The following TBC1D5 variants were observed in gnomAD, a reference collection of about 807,000 sequenced individuals.
TBC1D5 encodes TBC1 domain family member 5.
Under a neutral mutation model 100.3 loss-of-function variants are expected in TBC1D5, and 75 were observed. The ratio of observed to expected loss-of-function variants is 0.75; its 90% CI spans 0.62 to 0.91. The LOEUF is 0.91. TBC1D5 is among the 40% of genes least tolerant of loss of function. The pLI is 0.00. For missense variants in TBC1D5, 910 were observed against 942.4 expected (o/e 0.97, Z 0.45); for synonymous variants, 323 against 325.6 (o/e 0.99, Z 0.09).
chr3:17,697,911 T>G (rs1025979435), intron 1 of TBC1D5, among the ~76,000 whole-genome samples: 1 of 147,728 alleles, frequency 6.8e-6, no homozygotes, highest in African/African-American at 2.5e-5. Flanking sequence ...AACAGAGATA[T>G]AAACCAATGG....
chr3:17,408,438 T>C (rs2152462144), intron 4 of TBC1D5, among the ~76,000 whole-genome samples: 1 of 152,102 alleles, frequency 6.6e-6, no homozygotes, highest in African/African-American at 2.4e-5. Flanking sequence ...GCCTCCACTG[T>C]AGCTGAGGCT....
At chr3:17,713,932 A>T (rs1168261166) in intron 1 of TBC1D5, among the ~76,000 whole-genome samples, 1 of 152,216 alleles carries the variant, frequency 6.6e-6, no homozygotes, top group African/African-American at 2.4e-5. Flanking sequence ...TTTTGTCAAA[A>T]TCATGGAACA....
At chr3:17,458,826 T>C (rs1433601721) in intron 3 of TBC1D5, among the ~76,000 whole-genome samples, 2 of 152,246 alleles carry the variant, frequency 1.3e-5, no homozygotes, top group East Asian at 1.9e-4. Context: ...TTTAACTCTA[T>C]GTATTGTGGT....
intron 1 of TBC1D5, among the ~76,000 whole-genome samples, chr3:17,736,878 T>C (rs2077001240): frequency 6.6e-6 from 1 of 152,064 alleles, no homozygotes; most frequent in African/African-American, 2.4e-5. Context: ...CTGGGCTTGG[T>C]GGCATGTACC....
intron 1 of TBC1D5, among the ~76,000 whole-genome samples, chr3:17,691,717 T>C (rs2071189511): frequency 6.6e-6 from 1 of 151,276 alleles, no homozygotes; most frequent in South Asian, 2.1e-4. Context: ...TTCAGGAGCC[T>C]GAGGCAGGAG....
chr3:17,332,630 T>A (rs1177468785), intron 13 of TBC1D5, among the ~76,000 whole-genome samples: 8 of 150,670 alleles, frequency 5.3e-5, no homozygotes, highest in Admixed American at 5.3e-4. Context: ...AAAAATGAAT[T>A]AATAAAGGAG....
chr3:17,659,920 T>C (rs1269850375), intron 1 of TBC1D5, among the ~76,000 whole-genome samples: 2 of 152,154 alleles, frequency 1.3e-5, no homozygotes, highest in African/African-American at 4.8e-5. Context: ...AAAACCTAGT[T>C]ACACATGGCA....
chr3:17,165,459 T>C (rs1210968887), intron 21 of TBC1D5, among the ~76,000 whole-genome samples: 1 of 152,150 alleles, frequency 6.6e-6, no homozygotes, highest in Non-Finnish European at 1.5e-5. Flanking sequence ...GGAAGGAGAA[T>C]TTGTGAAGAA....
At chr3:17,166,832 A>G in exon 21 of TBC1D5, 1 of 1,614,176 alleles carries the variant, frequency 6.2e-7, no homozygotes, top group South Asian at 1.1e-5. Context: ...TGGCCGCTGG[A>G]GCAGTAGTGG....
intron 1 of TBC1D5, among the ~76,000 whole-genome samples, chr3:17,689,708 A>G (rs1350085776): frequency 6.6e-6 from 1 of 152,200 alleles, no homozygotes; most frequent in Non-Finnish European, 1.5e-5. Context: ...ATACAGGAAT[A>G]CAATAGTAGT....
At chr3:17,475,174 G>GCCA (rs1559968506) in intron 3 of TBC1D5, among the ~76,000 whole-genome samples, 5 of 150,086 alleles carry the variant, frequency 3.3e-5, no homozygotes, top group African/African-American at 9.9e-5. Context: ...GTTCTACCTT[G>GCCA]CCCCGCCCCA....
chr3:17,523,091 G>A (rs2096081116), intron 2 of TBC1D5, among the ~76,000 whole-genome samples: 1 of 151,596 alleles, frequency 6.6e-6, no homozygotes, highest in Non-Finnish European at 1.5e-5. Context: ...TGTTTTATGT[G>A]TATTATCCCA....
chr3:17,472,969 T>C (rs1387493722), intron 3 of TBC1D5, among the ~76,000 whole-genome samples: 1 of 152,174 alleles, frequency 6.6e-6, no homozygotes, highest in Non-Finnish European at 1.5e-5. Context: ...AGTTGAACCA[T>C]GCAATCCTTG....
chr3:17,527,991 C>G (rs1266712078), intron 2 of TBC1D5, among the ~76,000 whole-genome samples: 1 of 149,896 alleles, frequency 6.7e-6, no homozygotes, highest in Non-Finnish European at 1.5e-5. Context: ...TAGGTTTGAA[C>G]GTTGGATCGC....
intron 1 of TBC1D5, among the ~76,000 whole-genome samples, chr3:17,694,916 A>C (rs2071772562): frequency 6.6e-6 from 1 of 152,220 alleles, no homozygotes; most frequent in Admixed American, 6.5e-5. Flanking sequence ...AAACCCTACA[A>C]CCCAGAAGAC....
intron 13 of TBC1D5, among the ~76,000 whole-genome samples, chr3:17,353,187 G>C (rs2090837646): frequency 6.6e-6 from 1 of 151,966 alleles, no homozygotes; most frequent in Non-Finnish European, 1.5e-5. Flanking sequence ...GTTAACTTGA[G>C]ATAATTTGAT....
At chr3:17,231,111 T>G (rs1255501069) in intron 17 of TBC1D5, among the ~76,000 whole-genome samples, 1 of 152,172 alleles carries the variant, frequency 6.6e-6, no homozygotes, top group Non-Finnish European at 1.5e-5. Context: ...CTGACTGTAC[T>G]TCTGTTGTTA....
At chr3:17,601,426 G>A (rs2060932980) in intron 2 of TBC1D5, among the ~76,000 whole-genome samples, 1 of 152,182 alleles carries the variant, frequency 6.6e-6, no homozygotes, top group Admixed American at 6.5e-5. Flanking sequence ...CAGGAGAATC[G>A]CTTGAATCCG....
intron 2 of TBC1D5, among the ~76,000 whole-genome samples, chr3:17,575,764 T>C (rs1444732074): frequency 6.6e-6 from 1 of 152,206 alleles, no homozygotes; most frequent in Non-Finnish European, 1.5e-5. Flanking sequence ...CAACAAACTA[T>C]GAATGTAAAT....
Sources: gnomAD v4.1 joint callset for allele counts (sites outside exome capture counted in the v4.1 genomes callset) on GRCh38, gnomAD v4.1.1 for gene constraint, MANE v1.5 for transcripts, NCBI Gene and HGNC (gene_info 2026-07-23, HGNC 2026-07-21) for gene names.